TTC28: variants seen among roughly 807,000 people sequenced by gnomAD.
The protein encoded by TTC28 is tetratricopeptide repeat domain 28, also known as tetratricopeptide repeat protein 28.
Under a neutral mutation model 198.0 loss-of-function variants are expected in TTC28, and 61 were observed. The ratio of observed to expected loss-of-function variants is 0.31; its 90% CI spans 0.25 to 0.38. The LOEUF (loss-of-function observed/expected upper bound fraction) is 0.38, where lower values mean the gene tolerates loss of function less well. TTC28 is among the 10% of genes least tolerant of loss of function. TTC28 has a pLI of 1.00. For synonymous variants in TTC28, 1,171 were observed against 1,297.8 expected (o/e 0.90, Z 2.10); for missense variants, 2,678 against 3,164.0 (o/e 0.85, Z 3.69).
At chr22:28,422,298 AT>A (rs2146174389) in intron 2 of TTC28, among the ~76,000 whole-genome samples, 1 of 152,312 alleles carries the variant, frequency 6.6e-6, no homozygotes, top group Admixed American at 6.5e-5. Flanking sequence ...AAATGGGCAT[AT>A]GTATGAATGG....
chr22:28,544,615 G>A (rs1194803573), intron 2 of TTC28, among the ~76,000 whole-genome samples: 1 of 152,154 alleles, frequency 6.6e-6, no homozygotes, highest in Non-Finnish European at 1.5e-5. Context: ...GGATGAGATA[G>A]GAGGTCAGCA....
chr22:28,212,132 T>C (rs1927026789), intron 5 of TTC28, among the ~76,000 whole-genome samples: 2 of 152,126 alleles, frequency 1.3e-5, no homozygotes, highest in South Asian at 2.1e-4. Context: ...AAGCAGTGCA[T>C]AGAGGGAAAT....
intron 2 of TTC28, among the ~76,000 whole-genome samples, chr22:28,490,373 T>C (rs1767641652): frequency 6.6e-6 from 1 of 152,188 alleles, no homozygotes; most frequent in Non-Finnish European, 1.5e-5. Context: ...CATTCAGGGA[T>C]GCAGGCTTCA....
chr22:28,157,709 T>C (rs1161630399), intron 6 of TTC28, among the ~76,000 whole-genome samples: 1 of 152,122 alleles, frequency 6.6e-6, no homozygotes, highest in Non-Finnish European at 1.5e-5. Flanking sequence ...TTTGATAAAG[T>C]TCAACATCTC....
Position 28,390,346 on chromosome 22 carries a change from T to A in TTC28, c.382-83703A>T, listed in dbSNP as rs909040881. Among the ~76,000 whole-genome samples the A allele has an allele frequency of 1.4e-4, 21 of 152,284 alleles. No individual in the cohort carries two copies. The East Asian group carries it at 3.3e-3, about 24-fold the overall frequency. ...TGATTTGGGGTGGAGAGTTCTGTAG[T>A]TGTCTATTAGGTCCACTTGGTGCAG... is the stretch of plus-strand genomic sequence containing the variant. On this transcript the variant is annotated intron_variant, in intron 2 of 22. Coordinates refer to ENST00000397906, the MANE Select transcript of TTC28 (RefSeq NM_001145418.2).
intron 1 of TTC28, among the ~76,000 whole-genome samples, chr22:28,676,724 A>T (rs1432165623): frequency 4.8e-5 from 6 of 124,010 alleles, no homozygotes; most frequent in Middle Eastern, 3.8e-3. Flanking sequence ...TATTAGAAAT[A>T]AAAAAAAAAA....
chr22:28,369,876 T>C (rs1280475789), intron 2 of TTC28, among the ~76,000 whole-genome samples: 1 of 152,128 alleles, frequency 6.6e-6, no homozygotes, highest in Non-Finnish European at 1.5e-5. Context: ...TGAGATGAAA[T>C]CATATATATG....
intron 1 of TTC28, among the ~76,000 whole-genome samples, chr22:28,641,042 T>A (rs369703710): frequency 1.3e-5 from 2 of 152,092 alleles, no homozygotes; most frequent in East Asian, 1.9e-4. Flanking sequence ...AAGTAATGAA[T>A]AGGCCAGGCA....
At chr22:28,077,524 G>A (rs534514267) in intron 12 of TTC28, among the ~76,000 whole-genome samples, 2 of 152,258 alleles carry the variant, frequency 1.3e-5, no homozygotes, top group South Asian at 2.1e-4. Flanking sequence ...TCTTCGACCA[G>A]TCATTTAAAA....
Position 28,095,876 on chromosome 22 carries a change from T to C in TTC28, c.3766+314A>G, listed in dbSNP as rs150148054. On this transcript the variant is annotated intron_variant, in intron 11 of 22. Transcript: ENST00000397906. ...TCGTTAGGACTTGCAGTCATCACTT[T>C]ATTAGCTAATGAACAACAGCTGCCT... Among the ~76,000 whole-genome samples the C allele has an allele frequency of 3.3e-5, 5 of 152,350 alleles. No individual in the cohort carries two copies. In the East Asian group the frequency reaches 9.6e-4, roughly 29 times the overall value.
chr22:27,983,254 T>C lies in TTC28; in HGVS notation c.6413A>G (p.Gln2138Arg). The change falls in exon 23 of 23, where the codon CAG becomes CGG. Residue 2138 changes from glutamine (Q) to arginine (R), a missense_variant. This residue lies in a region of TTC28 where 622 missense variants were observed against 656.0 expected (regional missense o/e 0.95). Coordinates refer to ENST00000397906, the MANE Select transcript of TTC28 (RefSeq NM_001145418.2). ...GGTACTGTCCGTTTCTGTGCTAGACTGGTCTGATTCTCCTGTATCTGAGCT... is the reference window on the plus strand; with the variant it reads ...GGTACTGTCCGTTTCTGTGCTAGACCGGTCTGATTCTCCTGTATCTGAGCT... ...LASSDTGESD[Q>R]SSTETDSTVK... 1.3e-6 allele frequency: 2 copies of C among 1,551,970 alleles called. No homozygotes were observed. The highest frequency in any genetic ancestry group is 1.7e-6 in the Non-Finnish European group (2 of 1,147,072).
intron 1 of TTC28, among the ~76,000 whole-genome samples, chr22:28,663,116 C>T (rs2051775584): frequency 6.6e-6 from 1 of 151,742 alleles, no homozygotes; most frequent in African/African-American, 2.4e-5. Flanking sequence ...GGCGTGGTGG[C>T]GAACGCCTGT....
intron 1 of TTC28, among the ~76,000 whole-genome samples, chr22:28,648,211 G>A (rs1047879598): frequency 2.3e-5 from 3 of 133,240 alleles, no homozygotes; most frequent in Middle Eastern, 4.3e-3. Flanking sequence ...GCGACCAAAC[G>A]AGACTCTGTC....
At chr22:28,014,994 C>T (rs911566088) in intron 13 of TTC28, among the ~76,000 whole-genome samples, 1 of 152,210 alleles carries the variant, frequency 6.6e-6, no homozygotes, top group Non-Finnish European at 1.5e-5. Context: ...TTTTGTTTCG[C>T]TTTTAAATTT....
intron 14 of TTC28, chr22:28,007,161 A>G (rs1304094124): frequency 6.6e-6 from 1 of 152,184 alleles, no homozygotes; most frequent in Non-Finnish European, 1.5e-5. Context: ...ATACCCCAGA[A>G]CTGTGTATAG....
chr22:28,397,663 G>T (rs912811685), intron 2 of TTC28, among the ~76,000 whole-genome samples: 1 of 152,128 alleles, frequency 6.6e-6, no homozygotes, highest in African/African-American at 2.4e-5. Context: ...ATTTCCTTCA[G>T]CAATGTCACC....
chr22:28,104,417 C>A (rs1370637642), intron 8 of TTC28, among the ~76,000 whole-genome samples: 1 of 152,200 alleles, frequency 6.6e-6, no homozygotes, highest in Non-Finnish European at 1.5e-5. Flanking sequence ...ACTTTATGTG[C>A]AAAGCCCCCT....
intron 2 of TTC28, among the ~76,000 whole-genome samples, chr22:28,576,411 G>C (rs571731944): frequency 6.6e-5 from 10 of 152,114 alleles, no homozygotes; most frequent in Non-Finnish European, 1.2e-4. Flanking sequence ...TTTTGCATCA[G>C]TGTTCATCAG....
At chr22:28,008,305 A>G (rs1938007490) in intron 14 of TTC28, 1 of 152,108 alleles carries the variant, frequency 6.6e-6, no homozygotes, top group Non-Finnish European at 1.5e-5. Flanking sequence ...GCAGAGCTAG[A>G]CCCCTGCTTT....
Sources: allele counts gnomAD v4.1 joint callset (sites outside exome capture counted in the v4.1 genomes callset), GRCh38; gene constraint gnomAD v4.1.1; regional missense constraint gnomAD v4.1.1; transcripts MANE v1.5; gene names NCBI Gene and HGNC (gene_info 2026-07-23, HGNC 2026-07-21).